Variants in MLLT10 observed in about 807,000 individuals in gnomAD.
MLLT10 encodes protein AF-10.
A neutral mutation model predicts 129.1 loss-of-function variants in MLLT10; 30 were observed. The ratio of observed to expected loss-of-function variants is 0.23; its 90% confidence interval spans 0.17 to 0.32. The LOEUF (loss-of-function observed/expected upper bound fraction) is 0.32. MLLT10 is among the 10% of genes least tolerant of loss of function. The probability of loss-of-function intolerance (pLI) is 1.00; values close to 1 mark genes in which losing one functional copy is unlikely to be tolerated. For synonymous variants in MLLT10, 490 were observed against 446.4 expected, an observed-to-expected ratio of 1.10 and a Z score of -1.23; for missense variants, 1,119 against 1,268.3, an observed-to-expected ratio of 0.88 and a Z score of 1.79.
At chr10:21,586,487 A>G (rs967811341) in intron 4 of MLLT10, 139 bp downstream of exon 4, 2 of 753,160 alleles carry the variant, frequency 2.7e-6, no homozygotes, top group Non-Finnish European at 4.4e-6. Flanking sequence ...GCTATAATTT[A>G]TAAATCCTTA....
intron 8 of MLLT10, among the ~76,000 whole-genome samples, chr10:21,639,471 C>A (rs1214368154): frequency 5.9e-5 from 9 of 152,118 alleles, no homozygotes; most frequent in African/African-American, 2.2e-4. Flanking sequence ...CTGAGGGAAA[C>A]CCTTACTTAT....
intron 14 of MLLT10, among the ~76,000 whole-genome samples, chr10:21,717,864 T>TCCTCCTCCTC (rs1844866102): frequency 5.6e-5 from 4 of 71,182 alleles, no homozygotes; most frequent in Non-Finnish European, 9.0e-5. Flanking sequence ...TCCTCCTCCT[T>TCCTCCTCCTC]CTCCTCCTCC....
chr10:21,639,013 A>G (rs2047724520), intron 8 of MLLT10, among the ~76,000 whole-genome samples: 3 of 152,098 alleles, frequency 2.0e-5, no homozygotes, highest in Non-Finnish European at 4.4e-5. Flanking sequence ...TTGACCGTAC[A>G]ATTTTTCATT....
intron 21 of MLLT10, among the ~76,000 whole-genome samples, chr10:21,738,848 C>CA (rs2131594081): frequency 6.6e-6 from 1 of 152,180 alleles, no homozygotes; most frequent in South Asian, 2.1e-4. Context: ...TGAGAGTGCC[C>CA]AAGGTGGAAT....
intron 4 of MLLT10, among the ~76,000 whole-genome samples, chr10:21,589,600 C>T (rs1161258151): frequency 6.6e-6 from 1 of 152,206 alleles, no homozygotes; most frequent in South Asian, 2.1e-4. Flanking sequence ...TTTCCTCTTT[C>T]TGAATCCTCT....
intron 14 of MLLT10, among the ~76,000 whole-genome samples, chr10:21,717,843 C>T (rs1054134743): frequency 7.5e-5 from 10 of 132,838 alleles, no homozygotes; most frequent in East Asian, 2.4e-4. Flanking sequence ...TCCTCCTTCT[C>T]CTCCTCCTTC....
chr10:21,732,556 G>A (rs868312149), intron 17 of MLLT10, among the ~76,000 whole-genome samples: 1 of 152,168 alleles, frequency 6.6e-6, no homozygotes. Flanking sequence ...ACAGGCACTT[G>A]AATTTTTAAT....
intron 9 of MLLT10, among the ~76,000 whole-genome samples, chr10:21,658,887 C>T (rs1417397593): frequency 6.6e-6 from 1 of 152,098 alleles, no homozygotes; most frequent in Non-Finnish European, 1.5e-5. Context: ...AGGATGGTCT[C>T]AATCTCTGGA....
At chr10:21,660,086 C>G (rs995561976) in intron 9 of MLLT10, among the ~76,000 whole-genome samples, 10 of 151,964 alleles carry the variant, frequency 6.6e-5, no homozygotes, top group African/African-American at 2.2e-4. Context: ...ACCTCAGCCT[C>G]CTGATCAGCT....
chr10:21,581,245 C>T (rs1163206155), intron 3 of MLLT10, among the ~76,000 whole-genome samples: 3 of 151,734 alleles, frequency 2.0e-5, no homozygotes, highest in African/African-American at 7.3e-5. Context: ...GACGGGGTTT[C>T]ACCGTGTTAG....
chr10:21,645,512 CAT>C (rs1472617048), intron 8 of MLLT10, among the ~76,000 whole-genome samples: 1 of 152,114 alleles, frequency 6.6e-6, no homozygotes, highest in Non-Finnish European at 1.5e-5. Flanking sequence ...AAATAACTCA[CAT>C]GTTCTTTTTC....
chr10:21,613,838 C>T (rs1008008850), intron 6 of MLLT10, among the ~76,000 whole-genome samples: 1 of 151,542 alleles, frequency 6.6e-6, no homozygotes, highest in Non-Finnish European at 1.5e-5. Flanking sequence ...CCCAGAAGGC[C>T]GAGGTTGCAG....
chr10:21,647,108 G>A (rs879744821), intron 8 of MLLT10, among the ~76,000 whole-genome samples: 4 of 152,144 alleles, frequency 2.6e-5, no homozygotes, highest in South Asian at 2.1e-4. Flanking sequence ...CGCCCACCTC[G>A]GCCTCCCAAA....
chr10:21,635,746 G>C (rs573201606), intron 8 of MLLT10, among the ~76,000 whole-genome samples: 1 of 149,770 alleles, frequency 6.7e-6, no homozygotes, highest in South Asian at 2.1e-4. Flanking sequence ...TTTTTTTTGA[G>C]ATGTAGTTTC....
intron 11 of MLLT10, among the ~76,000 whole-genome samples, chr10:21,679,630 G>T (rs1175509035): frequency 1.3e-5 from 2 of 152,172 alleles, no homozygotes; most frequent in Non-Finnish European, 2.9e-5. Flanking sequence ...ATTGCAAGGG[G>T]TTGATGGTTT....
rs548318223 is a variant in MLLT10 at position 21,640,473 on chromosome 10, C to T, written c.700-11200C>T. On this transcript the variant is annotated intron_variant, in intron 8 of 22. Transcript: ENST00000307729. ...AACTTCTGGGTCAAGAGATAGACAA[C>T]TTATTACTTAGAGCAATAGCTGTAA... Among the ~76,000 whole-genome samples the T allele has an allele frequency of 1.3e-3, 195 of 151,668 alleles. 1 individual carries two copies. The highest frequency in any genetic ancestry group is 2.8e-3 in the Admixed American group (42 of 15,174).
intron 7 of MLLT10, among the ~76,000 whole-genome samples, chr10:21,616,088 G>A (rs1481740498): frequency 1.3e-5 from 2 of 151,944 alleles, no homozygotes; most frequent in Non-Finnish European, 2.9e-5. Context: ...TTTGGTTCTT[G>A]TATACGAATT....
At chr10:21,651,583 G>GT (rs1259995664) in intron 8 of MLLT10, 90 bp from the exon 9 acceptor site, 1 of 797,036 alleles carries the variant, frequency 1.3e-6, no homozygotes, top group Non-Finnish European at 2.0e-6. Flanking sequence ...ATTTGTTAAT[G>GT]TTTTAAATTA....
chr10:21,726,050 C>G (rs2057484838), intron 14 of MLLT10, among the ~76,000 whole-genome samples, 194 bp from the exon 15 acceptor site: 2 of 152,022 alleles, frequency 1.3e-5, no homozygotes, highest in Admixed American at 1.3e-4. Flanking sequence ...CGCGCCCGGC[C>G]TAGTTATGTA....
Sources: gnomAD v4.1 joint callset for allele counts (sites outside exome capture counted in the v4.1 genomes callset) on GRCh38, gnomAD v4.1.1 for gene constraint, MANE v1.5 for transcripts, NCBI Gene and HGNC (gene_info 2026-07-23, HGNC 2026-07-21) for gene names.